Variants in TNRC6A observed in about 807,000 individuals in gnomAD.
The protein encoded by TNRC6A is trinucleotide repeat containing adaptor 6A.
A neutral mutation model predicts 221.2 loss-of-function variants in TNRC6A; 44 were observed. The ratio of observed to expected loss-of-function variants is 0.20; its 90% confidence interval spans 0.16 to 0.26. The LOEUF is 0.26. Ranked by LOEUF, TNRC6A falls within the 10% of genes least tolerant of loss-of-function variation. The pLI is 1.00. For synonymous variants in TNRC6A, 847 were observed against 838.5 expected (o/e 1.01, Z -0.18); for missense variants, 2,199 against 2,404.4 (o/e 0.91, Z 1.79).
At chr16:24,807,249 C>T (rs2058453377) in intron 17 of TNRC6A, among the ~76,000 whole-genome samples, 1 of 152,220 alleles carries the variant, frequency 6.6e-6, no homozygotes, top group African/African-American at 2.4e-5. Context: ...AGGTGATCTG[C>T]CTGCCTTGGC....
chr16:24,687,936 TTTCTTTTCTTTTCTTTTC>T (rs1315338190), intron 2 of TNRC6A, among the ~76,000 whole-genome samples: 4 of 126,702 alleles, frequency 3.2e-5, no homozygotes, highest in African/African-American at 1.1e-4. Flanking sequence ...TTTCTTTTCT[TTTCTTTTCTTTTCTTTTC>T]TTTTTTTTTT....
chr16:24,764,819 G>A (rs191549533), intron 4 of TNRC6A, among the ~76,000 whole-genome samples: 15 of 152,252 alleles, frequency 9.9e-5, no homozygotes, highest in African/African-American at 2.9e-4. Flanking sequence ...ATCTCGGATA[G>A]TACTGAACCT....
chr16:24,735,482 C>T (rs781025143), intron 2 of TNRC6A, among the ~76,000 whole-genome samples: 7 of 152,268 alleles, frequency 4.6e-5, no homozygotes, highest in South Asian at 2.1e-4. Context: ...TAGGTTGGTG[C>T]GAAAGTTAAT....
rs1385794196 is a variant in TNRC6A, at chr16:24,729,705, G to GTGT, written c.-137_-136insTGT. ...GGTGTCGGCGGCGGCGGCGGCGGCG[G>GTGT]CGGCGGCGGCGGCAGCGGGTCGGTG... On this transcript the variant is annotated 5_prime_UTR_variant, in exon 1 of 25. Coordinates refer to ENST00000395799, the MANE Select transcript of TNRC6A (RefSeq NM_014494.4). 3.7e-6 allele frequency: 4 copies of GTGT among 1,072,446 alleles called. No homozygotes were observed. Among genetic ancestry groups the GTGT allele is most frequent in the South Asian group, 3.0e-5 (1 of 32,820 alleles). 66.4% of individuals were successfully genotyped at this position (1,072,446 alleles called of 1,614,324 possible). A position where few individuals can be genotyped will look rare whatever the true frequency, so the allele number is the denominator to read the frequency against.
At chr16:24,729,958 T>G in intron 1 of TNRC6A, 112 bp downstream of exon 1, 1 of 995,368 alleles carries the variant, frequency 1.0e-6, no homozygotes, top group Non-Finnish European at 1.3e-6. Context: ...TCCCCGAGAC[T>G]TCGGGCCTCG....
chr16:24,715,757 A>G (rs1405961023), intron 2 of TNRC6A, among the ~76,000 whole-genome samples: 1 of 151,886 alleles, frequency 6.6e-6, no homozygotes, highest in Non-Finnish European at 1.5e-5. Context: ...AGCTGGGACT[A>G]CAGGTGCATG....
intron 4 of TNRC6A, among the ~76,000 whole-genome samples, chr16:24,762,826 C>G (rs2057391408): frequency 6.6e-6 from 1 of 152,172 alleles, no homozygotes; most frequent in Non-Finnish European, 1.5e-5. Context: ...TAAAAACAGC[C>G]CCTGCAGTTA....
Position 24,789,942 on chromosome 16 carries a change from A to G in TNRC6A, c.1300A>G (p.Thr434Ala). Residue 434 changes from threonine (T) to alanine (A), a missense_variant, in exon 6 of 25, where the codon ACA becomes GCA. Around this residue, in one of 8 missense-constraint regions of TNRC6A, gnomAD observed 1,405 missense variants for 1,400.2 expected, o/e 1.00. Transcript: ENST00000395799. ...QETCESEVSG[T>A]QKVSFSGQPQ... is the part of the protein sequence containing the mutation. The stretch of plus-strand genomic sequence containing the variant: ...AACTTGTGAATCTGAAGTAAGTGGT[A>G]CACAGAAGGTTTCATTCAGTGGTCA... The G allele has an allele frequency of 1.9e-6, 3 of 1,614,012 alleles. No individual in the cohort carries two copies. The South Asian group carries it at 3.3e-5, about 18-fold the overall frequency.
chr16:24,690,945 C>T (rs1596499767), intron 2 of TNRC6A, among the ~76,000 whole-genome samples: 1 of 151,800 alleles, frequency 6.6e-6, no homozygotes, highest in Admixed American at 6.6e-5. Flanking sequence ...GTAGCTGGGA[C>T]TACTGGCGCC....
chr16:24,811,148 G>A (rs578215831), intron 18 of TNRC6A, among the ~76,000 whole-genome samples: 1 of 152,326 alleles, frequency 6.6e-6, no homozygotes, highest in Admixed American at 6.5e-5. Context: ...GAGGAGCACA[G>A]GAGCTGAACA....
Position 24,823,403 on chromosome 16 carries a change from C to T in TNRC6A, c.5514-29C>T. 6.3e-7 allele frequency: 1 copy of T among 1,581,872 alleles called. No homozygotes were observed. The highest frequency in any genetic ancestry group is 1.7e-4 in the Middle Eastern group (1 of 5,734). On this transcript the variant is annotated intron_variant, in intron 24 of 24. Coordinates refer to ENST00000395799, the MANE Select transcript of TNRC6A (RefSeq NM_014494.4). The surrounding 1 kb of genome is among the most constrained non-coding windows in gnomAD (Gnocchi z 4.3). ...TGAAGCCCTCCTGGTGTGCTGTCCT[C>T]ACGTGTCCGCGGTGCCTCTCTCCTC... is the stretch of plus-strand genomic sequence containing the variant.
At chr16:24,705,347 T>TTTA (rs2056075561) in intron 2 of TNRC6A, among the ~76,000 whole-genome samples, 1 of 152,070 alleles carries the variant, frequency 6.6e-6, no homozygotes, top group African/African-American at 2.4e-5. Flanking sequence ...TTTTTTTTTT[T>TTTA]TTGAGACAGA....
Position 24,790,070 on chromosome 16 carries a change from T to C in TNRC6A, c.1428T>C (p.Pro476=). Residue 476 remains proline (P), a synonymous_variant, in exon 6 of 25, where the codon CCT becomes CCC. Transcript: ENST00000395799. The part of the protein sequence containing the change: ...NSGSVQNNEL[P]SSNTGAWRVS... ...GTTCAGTGCAGAATAATGAGCTGCC[T>C]AGTAGTAACACAGGGGCCTGGCGTG... The C allele has an allele frequency of 6.2e-7, 1 of 1,614,220 alleles. No homozygotes were observed. The highest frequency in any genetic ancestry group is 8.5e-7 in the Non-Finnish European group (1 of 1,180,042).
intron 4 of TNRC6A, among the ~76,000 whole-genome samples, chr16:24,765,200 A>G (rs2057447659): frequency 6.6e-6 from 1 of 152,222 alleles, no homozygotes; most frequent in Non-Finnish European, 1.5e-5. Flanking sequence ...AACGAATTTC[A>G]GGAACTTTGA....
rs543996416 is a variant in TNRC6A, at chr16:24,783,652, C to G, written c.590-5580C>G. ...CTAAATAACGCGCAACCTTCCAAAT[C>G]TTAAGTTTGCCTACAGCATTGCAGC... On this transcript the variant is annotated intron_variant, in intron 5 of 24. Transcript: ENST00000395799. 3.9e-5 allele frequency among the ~76,000 whole-genome samples: 6 copies of G among 152,196 alleles called. No homozygotes were observed. In the East Asian group the frequency reaches 1.2e-3, roughly 29 times the overall value.
intron 4 of TNRC6A, among the ~76,000 whole-genome samples, chr16:24,767,957 C>G (rs1341390030): frequency 6.6e-6 from 1 of 152,162 alleles, no homozygotes; most frequent in African/African-American, 2.4e-5. Flanking sequence ...TCCAGACTTA[C>G]TCAGACATGA....
chr16:24,806,198 TC>T lies in TNRC6A; in HGVS notation c.4252-6del. On this transcript the variant is annotated splice_region_variant and splice_polypyrimidine_tract_variant and intron_variant, in intron 15 of 24. Transcript: ENST00000395799. The stretch of plus-strand genomic sequence containing the variant: ...ATAGTAACAACCTTTTCGCTATCTT[TC>T]CTCTAGCGATTGTTAGCGCAGCAGC... 6.2e-7 allele frequency: 1 copy of T among 1,613,842 alleles called. No individual in the cohort carries two copies. Among genetic ancestry groups the T allele is most frequent in the South Asian group, 1.1e-5 (1 of 91,032 alleles).
At chr16:24,648,849 C>T (rs115371470) in intron 2 of TNRC6A, among the ~76,000 whole-genome samples, 1,542 of 152,280 alleles carry the variant, frequency 0.01, 23 homozygotes, top group African/African-American at 0.036. Flanking sequence ...ATAGTTTCCA[C>T]CTTATTCTCA....
At chr16:24,783,991 T>C (rs986946765) in intron 5 of TNRC6A, among the ~76,000 whole-genome samples, 1 of 152,088 alleles carries the variant, frequency 6.6e-6, no homozygotes, top group Non-Finnish European at 1.5e-5. Flanking sequence ...CTGCAACACA[T>C]TTTGTTTTTG....
Sources: allele counts gnomAD v4.1 joint callset (sites outside exome capture counted in the v4.1 genomes callset), GRCh38; gene constraint gnomAD v4.1.1; regional missense constraint gnomAD v4.1.1; non-coding constraint Gnocchi (gnomAD v3.1); transcripts MANE v1.5; gene names NCBI Gene and HGNC (gene_info 2026-07-23, HGNC 2026-07-21).